PACRG: variants seen among roughly 807,000 people sequenced by gnomAD.
PACRG encodes parkin coregulated gene protein.
A neutral mutation model predicts 29.7 loss-of-function variants in PACRG; 29 were observed. The ratio of observed to expected loss-of-function variants is 0.98; its 90% CI spans 0.73 to 1.33. PACRG has a LOEUF of 1.33. Among genes scored for constraint, PACRG ranks in the 40% most tolerant of loss-of-function variants. The pLI, the probability that PACRG is intolerant of heterozygous loss-of-function variation, is 0.00. For synonymous variants in PACRG, 116 were observed against 118.7 expected, an observed-to-expected ratio of 0.98 and a Z score of 0.15; for missense variants, 279 against 316.2, an observed-to-expected ratio of 0.88 and a Z score of 0.89.
intron 2 of PACRG, among the ~76,000 whole-genome samples, chr6:162,920,405 C>T (rs1471117515): frequency 6.6e-6 from 1 of 152,146 alleles, no homozygotes; most frequent in African/African-American, 2.4e-5. Flanking sequence ...TGCTCCCCAT[C>T]GAATCACGCC....
intron 1 of PACRG, among the ~76,000 whole-genome samples, chr6:162,747,325 CATATAT>C (rs1190146053): frequency 0.093 from 3,079 of 33,052 alleles, 393 homozygotes; most frequent in East Asian, 0.66. Context: ...TCTCCTTGCT[CATATAT>C]ATATATATAT....
chr6:163,065,757 A>C lies in PACRG; in HGVS notation c.463+3436A>C, dbSNP rs574000524. Among the ~76,000 whole-genome samples, 18 of 152,358 alleles carry C rather than the reference A, an allele frequency of 1.2e-4. 1 individual carries two copies. The South Asian group carries it at 3.5e-3, about 30-fold the overall frequency. On this transcript the variant is annotated intron_variant, in intron 3 of 4. Transcript: ENST00000366888. ...ATCCAGAAGAGGAGATTAGACTCAA[A>C]TAAAAAGAAGTCCATTTTGAACAGG... is the stretch of plus-strand genomic sequence containing the variant.
chr6:163,095,113 G>C (rs1055547634), intron 4 of PACRG, among the ~76,000 whole-genome samples: 6 of 152,138 alleles, frequency 3.9e-5, no homozygotes, highest in Non-Finnish European at 8.8e-5. Context: ...GAAGGGCTCA[G>C]GCCTCCCTCC....
At chr6:162,896,332 A>G (rs1157257395) in intron 2 of PACRG, among the ~76,000 whole-genome samples, 1 of 152,218 alleles carries the variant, frequency 6.6e-6, no homozygotes, top group East Asian at 1.9e-4. Context: ...TTGGAAAGAC[A>G]TTGAGTATGA....
In PACRG at chr6:162,777,015, C is replaced by A. The variant is rs2050264; in HGVS notation, c.157-37132C>A. Among the ~76,000 whole-genome samples the A allele has an allele frequency of 0.73, 111,036 of 152,124 alleles. 41,510 individuals are homozygous for A. Among genetic ancestry groups the A allele is most frequent in the East Asian group, 0.99 (5,094 of 5,168 alleles). ...CAGGTGCTGGGTGCACCTGAATCTC[C>A]GAAATCACCACTAAAGAACTTATTC... is the stretch of plus-strand genomic sequence containing the variant. On this transcript the variant is annotated intron_variant, in intron 1 of 4. Transcript: ENST00000366888. This position sits in a 1 kb window ranked among gnomAD's most constrained non-coding sequence, Gnocchi z 4.0.
chr6:163,171,377 T>C (rs1779075968), intron 4 of PACRG, among the ~76,000 whole-genome samples: 1 of 152,232 alleles, frequency 6.6e-6, no homozygotes. Context: ...CCAGGCTGTG[T>C]GTCCACTAAG....
chr6:163,300,139 C>T (rs1387649357), intron 4 of PACRG, among the ~76,000 whole-genome samples: 2 of 152,214 alleles, frequency 1.3e-5, no homozygotes, highest in African/African-American at 2.4e-5. Context: ...TCTCCATCAA[C>T]CTCTGGAGGT....
intron 1 of PACRG, among the ~76,000 whole-genome samples, chr6:162,761,935 CAA>C (rs60437478): frequency 0.49 from 36,842 of 74,696 alleles, 7,142 homozygotes; most frequent in African/African-American, 0.6. Flanking sequence ...GACTCCATCT[CAA>C]AAAAAAAAAA....
chr6:163,193,166 AT>A (rs5881512), intron 4 of PACRG, among the ~76,000 whole-genome samples: 13,400 of 152,180 alleles, frequency 0.088, 1,892 homozygotes, highest in African/African-American at 0.3. Flanking sequence ...TTAAATATTC[AT>A]TTTTAAGGTG....
chr6:163,177,494 A>T (rs1010411632), intron 4 of PACRG, among the ~76,000 whole-genome samples: 1 of 152,084 alleles, frequency 6.6e-6, no homozygotes, highest in African/African-American at 2.4e-5. Flanking sequence ...GGAGAGCTAC[A>T]CAAAGGAAAG....
intron 4 of PACRG, among the ~76,000 whole-genome samples, chr6:163,266,676 T>TCTC (rs1783537478): frequency 6.6e-6 from 1 of 152,182 alleles, no homozygotes; most frequent in Admixed American, 6.5e-5. Flanking sequence ...ATGTATTACC[T>TCTC]CTCAATCTTC....
intron 2 of PACRG, among the ~76,000 whole-genome samples, chr6:162,875,257 A>G (rs1793220750): frequency 6.6e-6 from 1 of 151,936 alleles, no homozygotes; most frequent in Non-Finnish European, 1.5e-5. Context: ...ACACACAGAC[A>G]TGCACACACA....
intron 1 of PACRG, among the ~76,000 whole-genome samples, chr6:162,808,040 A>G (rs988110357): frequency 6.6e-6 from 1 of 152,208 alleles, no homozygotes; most frequent in Admixed American, 6.5e-5. Context: ...TTCTATTACA[A>G]TACAATTTTC....
intron 2 of PACRG, among the ~76,000 whole-genome samples, chr6:162,952,453 G>T (rs1368114024): frequency 1.3e-5 from 2 of 152,154 alleles, no homozygotes; most frequent in East Asian, 3.9e-4. Flanking sequence ...CTAAGGAATT[G>T]GGTGGTTCAA....
At chr6:163,151,359 A>G (rs1778083361) in intron 4 of PACRG, among the ~76,000 whole-genome samples, 1 of 152,182 alleles carries the variant, frequency 6.6e-6, no homozygotes, top group Non-Finnish European at 1.5e-5. Flanking sequence ...TCCACAGTGT[A>G]GACTGGAATG....
At chr6:162,788,335 C>CTTGAT in intron 1 of PACRG, among the ~76,000 whole-genome samples, 1 of 152,140 alleles carries the variant, frequency 6.6e-6, no homozygotes, top group East Asian at 1.9e-4. Flanking sequence ...CTTTTCATGG[C>CTTGAT]TTGATAGCTC....
At chr6:163,110,262 C>T (rs183484016) in intron 4 of PACRG, among the ~76,000 whole-genome samples, 40 of 152,340 alleles carry the variant, frequency 2.6e-4, no homozygotes, top group Middle Eastern at 3.4e-3. Flanking sequence ...GTTATCCCAC[C>T]TCTTCTGACA....
intron 2 of PACRG, among the ~76,000 whole-genome samples, chr6:163,044,269 G>A (rs2128239931): frequency 6.6e-6 from 1 of 150,970 alleles, no homozygotes; most frequent in South Asian, 2.1e-4. Context: ...CTGGGTTCAT[G>A]CGATCCTCCC....
chr6:162,988,589 T>C (rs571947246), intron 2 of PACRG, among the ~76,000 whole-genome samples: 1 of 152,324 alleles, frequency 6.6e-6, no homozygotes, highest in South Asian at 2.1e-4. Context: ...GTAGAATCGT[T>C]GGAAATTGGT....
Sources: gnomAD v4.1 joint callset for allele counts (sites outside exome capture counted in the v4.1 genomes callset) on GRCh38, gnomAD v4.1.1 for gene constraint, Gnocchi (gnomAD v3.1) non-coding constraint, MANE v1.5 for transcripts, NCBI Gene and HGNC (gene_info 2026-07-23, HGNC 2026-07-21) for gene names.